CAPN3: variants seen among roughly 807,000 people sequenced by gnomAD.
CAPN3 encodes calpain 3.
A neutral mutation model predicts 114.0 loss-of-function variants in CAPN3; 88 were observed. That is an observed-to-expected ratio of 0.77 (90% CI 0.65 to 0.92). The LOEUF (loss-of-function observed/expected upper bound fraction) is 0.92, where lower values mean the gene tolerates loss of function less well. Ranked by LOEUF, CAPN3 falls within the 40% of genes least tolerant of loss-of-function variation. CAPN3 has a pLI of 0.00. For missense variants in CAPN3, 1,028 were observed against 1,069.0 expected, an observed-to-expected ratio of 0.96 and a Z score of 0.53; for synonymous variants, 386 against 382.9, an observed-to-expected ratio of 1.01 and a Z score of -0.09.
chr15:42,391,363 T>C (rs1194436927), intron 6 of CAPN3, among the ~76,000 whole-genome samples: 1 of 152,122 alleles, frequency 6.6e-6, no homozygotes, highest in Non-Finnish European at 1.5e-5. Context: ...AATGATATGC[T>C]TAGGTAATGA....
chr15:42,376,651 G>A (rs900232814), intron 1 of CAPN3, among the ~76,000 whole-genome samples: 1 of 151,820 alleles, frequency 6.6e-6, no homozygotes, highest in South Asian at 2.1e-4. Flanking sequence ...TCTCCAAGGA[G>A]CACTGGTTTC....
chr15:42,385,658 A>G, intron 2 of CAPN3: 2 of 518,102 alleles, frequency 3.9e-6, no homozygotes, highest in South Asian at 2.8e-5. Context: ...GTTGCCAGCA[A>G]TGTCTTACTG....
chr15:42,411,570 C>CT (rs1289037879), intron 23 of CAPN3, among the ~76,000 whole-genome samples, 177 bp from the exon 24 acceptor site: 1 of 151,380 alleles, frequency 6.6e-6, no homozygotes, highest in Non-Finnish European at 1.5e-5. Flanking sequence ...AAACATGCAC[C>CT]TTCTTAGGGA....
chr15:42,410,703 G>A lies in CAPN3; in HGVS notation c.2263+37G>A, dbSNP rs374685438. On this transcript the variant is annotated intron_variant, in intron 21 of 23. Transcript: ENST00000397163. ...GAAGGGGTGGCAGGGATGTGGACCC[G>A]AGACGGTGGGAGCAGGAATGGGAGG... is the stretch of plus-strand genomic sequence containing the variant. 3.5e-4 allele frequency: 538 copies of A among 1,553,454 alleles called. 3 individuals are homozygous for A. The highest frequency in any genetic ancestry group is 4.1e-4 in the South Asian group (37 of 89,382).
Position 42,399,587 on chromosome 15 carries a change from C to A in CAPN3, c.1289C>A (p.Thr430Lys), listed in dbSNP as rs199725329. Residue 430 changes from threonine to lysine, a missense_variant, in exon 10 of 24, where the codon ACA (threonine) becomes AAA (lysine). Transcript: ENST00000397163. ...ALQSDKLQTW[T>K]VSVNEGRWVR... ...CAGTCTGACAAGCTTCAGACCTGGACAGTGTCTGTGAACGAGGGCCGCTGG... is the reference window on the plus strand; with the variant it reads ...CAGTCTGACAAGCTTCAGACCTGGAAAGTGTCTGTGAACGAGGGCCGCTGG... 19 of 1,613,916 alleles carry A rather than the reference C, an allele frequency of 1.2e-5. No homozygotes were observed. Among genetic ancestry groups the A allele is most frequent in the African/African-American group, 2.7e-5 (2 of 74,926 alleles).
intron 1 of CAPN3, among the ~76,000 whole-genome samples, chr15:42,383,270 A>G (rs986256787): frequency 6.6e-6 from 1 of 152,188 alleles, no homozygotes; most frequent in Non-Finnish European, 1.5e-5. Context: ...CCAAGACTCC[A>G]TGAAGCTGAG....
chr15:42,410,803 G>C, intron 21 of CAPN3, 81 bp from the exon 22 acceptor site: 2 of 1,394,020 alleles, frequency 1.4e-6, no homozygotes, highest in East Asian at 2.3e-5. Flanking sequence ...AGGTCACAGA[G>C]TGGCCGAGAG....
rs143106739 is a variant in CAPN3, at chr15:42,360,181, C to T, written c.309+67C>T. ...GAGGAGTCCTCTCACTCAGCACCTC[C>T]GGCAGCTCAGCTGTGCACATGGGCA... On this transcript the variant is annotated intron_variant, in intron 1 of 23. Coordinates refer to ENST00000397163, the MANE Select transcript of CAPN3 (RefSeq NM_000070.3). 6,391 of 1,577,702 alleles carry T rather than the reference C, an allele frequency of 4.1e-3. 20 individuals carry two copies. Among genetic ancestry groups the T allele is most frequent in the Non-Finnish European group, 5.1e-3 (5,809 of 1,149,662 alleles).
intron 14 of CAPN3, 40 bp from the exon 15 acceptor site, chr15:42,405,886 T>G: frequency 6.3e-7 from 1 of 1,582,392 alleles, no homozygotes; most frequent in South Asian, 1.1e-5. Flanking sequence ...GAACTTACTT[T>G]TCACTTATTC....
At chr15:42,402,235 G>A in intron 12 of CAPN3, 100 bp downstream of exon 12, 1 of 1,604,968 alleles carries the variant, frequency 6.2e-7, no homozygotes, top group South Asian at 1.1e-5. Context: ...GGGTTTGTGG[G>A]CAGGACTGTG....
At position 42,359,782 on chromosome 15, in the gene CAPN3, C is replaced by G; in HGVS notation, c.-24C>G. 1 of 1,612,430 alleles carries G rather than the reference C, an allele frequency of 6.2e-7. No individual in the cohort carries two copies. The highest frequency in any genetic ancestry group is 2.2e-5 in the East Asian group (1 of 44,892). ...GCTGTATCTTATTTTCTTTAAAAAG[C>G]TTTTTCTTCCAAAGCCACTTGCCAT... On this transcript the variant is annotated 5_prime_UTR_variant, in exon 1 of 24. Transcript: ENST00000397163.
rs765208496 is a variant in CAPN3, at chr15:42,411,333, C to G, written c.2427C>G (p.Leu809=). The G allele has an allele frequency of 5.6e-6, 9 of 1,613,930 alleles. No homozygotes were observed. In the African/African-American group the frequency reaches 8.0e-5, roughly 14 times the overall value. The change falls in exon 23 of 24, where the codon CTC becomes CTG. Residue 809 remains leucine, a synonymous_variant. Coordinates refer to ENST00000397163, the MANE Select transcript of CAPN3 (RefSeq NM_000070.3). ...FDKDGDGIIK[L]NVLEWLQLTM... is the part of the protein sequence containing the mutation. ...AGGATGGAGATGGTATCATCAAGCT[C>G]AACGTTCTGGAGGTAAAGCATAGGC...
At chr15:42,406,658 C>G (rs2054031856) in intron 15 of CAPN3, among the ~76,000 whole-genome samples, 1 of 152,178 alleles carries the variant, frequency 6.6e-6, no homozygotes, top group Non-Finnish European at 1.5e-5. Flanking sequence ...TCTGTTTACT[C>G]CAAAACCTGT....
rs1227406985 is a variant in CAPN3 at position 42,411,732 on chromosome 15, T to A, written c.2440-15T>A. ...TCTTTTCTGATCTACATTCTGATCT[T>A]GGGACTTCTTTCAGTGGCTGCAGCT... On this transcript the variant is annotated splice_polypyrimidine_tract_variant and intron_variant, in intron 23 of 23. Transcript: ENST00000397163. 2.5e-5 allele frequency: 34 copies of A among 1,367,610 alleles called. No individual in the cohort carries two copies. Among genetic ancestry groups the A allele is most frequent in the Non-Finnish European group, 3.4e-5 (33 of 959,792 alleles). The allele number at this position is 1,367,610 out of a possible 1,614,324, so 84.7% of individuals were successfully genotyped here.
At position 42,386,259 on chromosome 15, in the gene CAPN3, A is replaced by G. The variant is rs1435576850; in HGVS notation, c.472A>G (p.Asn158Asp). The change falls in exon 3 of 24, where the codon AAC becomes GAC. Residue 158 changes from asparagine (N) to aspartate (D), a missense_variant. Physicochemically the swap from Asn to Asp is conservative, Grantham distance 23. Coordinates refer to ENST00000397163, the MANE Select transcript of CAPN3 (RefSeq NM_000070.3). ...VIPHDQSFIE[N>D]YAGIFHFQFW... ...ACCCCATGATCAAAGTTTCATCGAA[A>G]ACTACGCAGGGATCTTCCACTTCCA... 1 of 1,613,368 alleles carries G rather than the reference A, an allele frequency of 6.2e-7. No homozygotes were observed. Among genetic ancestry groups the G allele is most frequent in the Non-Finnish European group, 8.5e-7 (1 of 1,179,450 alleles).
intron 6 of CAPN3, among the ~76,000 whole-genome samples, chr15:42,390,842 GCACAGTGGTGCCATCTCGGCT>G (rs1251990580): frequency 6.8e-6 from 1 of 146,934 alleles, no homozygotes; most frequent in African/African-American, 2.5e-5. Context: ...CTAGGCTGGA[GCACAGTGGTGCCATCTCGGCT>G]CACTGCAACC....
At chr15:42,386,002 C>T (rs563476914) in intron 2 of CAPN3, 165 bp from the exon 3 acceptor site, 4 of 750,410 alleles carry the variant, frequency 5.3e-6, no homozygotes, top group Non-Finnish European at 9.8e-6. Flanking sequence ...CTGTCCAATT[C>T]TCCTTCCCTG....
chr15:42,411,021 G>C, intron 22 of CAPN3, 21 bp downstream of exon 22: 1 of 1,537,986 alleles, frequency 6.5e-7, no homozygotes, highest in Non-Finnish European at 9.0e-7. Flanking sequence ...GAGGGGGGCT[G>C]CCCTCTGCTC....
At chr15:42,409,408 A>G (rs755957818) in intron 17 of CAPN3, 28 bp downstream of exon 17, 2 of 1,578,970 alleles carry the variant, frequency 1.3e-6, no homozygotes, top group South Asian at 2.2e-5. Context: ...CAGGACGCCC[A>G]CAGGTGCTTC....
Sources: allele counts gnomAD v4.1 joint callset (sites outside exome capture counted in the v4.1 genomes callset), GRCh38; gene constraint gnomAD v4.1.1; transcripts MANE v1.5; gene names NCBI Gene and HGNC (gene_info 2026-07-23, HGNC 2026-07-21).